ZNF687: variants seen among roughly 807,000 people sequenced by gnomAD.
The protein encoded by ZNF687 is zinc finger protein 687.
ZNF687 carries 13 observed loss-of-function variants against 71.8 expected under a neutral mutation model. The observed-to-expected ratio is 0.18, with a 90% CI of 0.12 to 0.29. ZNF687 has a LOEUF of 0.29. ZNF687 is among the 10% of genes least tolerant of loss of function. ZNF687 has a pLI of 1.00. For synonymous variants in ZNF687, 673 were observed against 641.6 expected (o/e 1.05, Z -0.74); for missense variants, 1,412 against 1,625.6 (o/e 0.87, Z 2.26).
chr1:151,281,930 C>T, upstream of ZNF687: 1 of 981,888 alleles, frequency 1.0e-6, no homozygotes, highest in Non-Finnish European at 1.4e-6. Context: ...CAGTAGGGAG[C>T]GAGGGGCGGA....
chr1:151,286,929 T>C lies in ZNF687; in HGVS notation c.638T>C (p.Val213Ala). 6.2e-7 allele frequency: 1 copy of C among 1,612,642 alleles called. No individual in the cohort carries two copies. Among genetic ancestry groups the C allele is most frequent in the Non-Finnish European group, 8.5e-7 (1 of 1,179,132 alleles). The change falls in exon 2 of 9, where the codon GTT (valine) becomes GCT (alanine). Residue 213 changes from valine (V) to alanine (A), a missense_variant. Around this residue, in one of 8 missense-constraint regions of ZNF687, gnomAD observed 490 missense variants for 489.9 expected, o/e 1.00. Coordinates refer to ENST00000336715, the MANE Select transcript of ZNF687 (RefSeq NM_020832.3). ...AATGGCCCAGGCATGCAGCCACCTGTTTCTTCCCCACCATTGGGGGCCTTG... is the reference window on the plus strand; with the variant it reads ...AATGGCCCAGGCATGCAGCCACCTGCTTCTTCCCCACCATTGGGGGCCTTG... Reference protein sequence around the residue: ...QENGPGMQPPVSSPPLGALKQ... With the variant: ...QENGPGMQPPASSPPLGALKQ...
chr1:151,289,502 C>G lies in ZNF687; in HGVS notation c.2596C>G (p.Leu866Val), dbSNP rs1378149874. The G allele has an allele frequency of 6.2e-7, 1 of 1,614,116 alleles. No individual in the cohort carries two copies. The highest frequency in any genetic ancestry group is 1.1e-5 in the South Asian group (1 of 91,092). ...SVFKCPSCPLLFAQKRTMLEH... is the reference protein window; with the variant it reads ...SVFKCPSCPLVFAQKRTMLEH... ...CTTTAAGTGCCCGTCTTGTCCTCTG[C>G]TCTTTGCCCAAAAAAGGACCATGCT... is the stretch of plus-strand genomic sequence containing the variant. Residue 866 changes from leucine to valine, a missense_variant, in exon 5 of 9, where the codon CTC becomes GTC. Around this residue, in one of 8 missense-constraint regions of ZNF687, gnomAD observed 106 missense variants for 146.0 expected, o/e 0.73. Transcript: ENST00000336715.
chr1:151,283,266 C>T, intron 1 of ZNF687: 2 of 985,424 alleles, frequency 2.0e-6, no homozygotes, highest in Non-Finnish European at 2.4e-6. Context: ...TCAACCTAAT[C>T]GCCGCCAGCC....
intron 7 of ZNF687, 82 bp from the exon 8 acceptor site, chr1:151,290,349 GC>G: frequency 3.7e-6 from 6 of 1,611,966 alleles, no homozygotes; most frequent in Non-Finnish European, 5.1e-6. Context: ...GTCTCCCTCT[GC>G]TCTGGCAGCC....
rs1693947064 is a variant in ZNF687, at chr1:151,286,410, C to T, written c.119C>T (p.Pro40Leu). The change falls in exon 2 of 9, where the codon CCA (proline) becomes CTA (leucine). Residue 40 changes from proline to leucine, a missense_variant. By Grantham distance (98) the Pro-to-Leu change is moderately conservative. Coordinates refer to ENST00000336715, the MANE Select transcript of ZNF687 (RefSeq NM_020832.3). ...GAAGAAAATGAGGGGCCTGGAGGCC[C>T]AGGGAAGCCAGAACCAGGTGTAGGA... ...GPEENEGPGG[P>L]GKPEPGVGSE... The T allele has an allele frequency of 6.2e-7, 1 of 1,613,398 alleles. No homozygotes were observed. Among genetic ancestry groups the T allele is most frequent in the Admixed American group, 1.7e-5 (1 of 59,800 alleles).
Position 151,291,380 on chromosome 1 carries a change from C to G in ZNF687, c.*171C>G. 1.0e-6 allele frequency: 1 copy of G among 953,170 alleles called. No individual in the cohort carries two copies. Among genetic ancestry groups the G allele is most frequent in the Admixed American group, 3.0e-5 (1 of 33,470 alleles). 59.0% of individuals were successfully genotyped at this position (953,170 alleles called of 1,614,324 possible). A position where few individuals can be genotyped will look rare whatever the true frequency, so the allele number is the denominator to read the frequency against. ...GGATTATTCTAGTTATTTGCAACCT[C>G]CCTTTGGGTTTGGCCCTGGAGTCCT... On this transcript the variant is annotated 3_prime_UTR_variant, in exon 9 of 9. Transcript: ENST00000336715.
At chr1:151,283,524 G>C (rs1410595945) in intron 1 of ZNF687, among the ~76,000 whole-genome samples, 1 of 152,050 alleles carries the variant, frequency 6.6e-6, no homozygotes, top group South Asian at 2.1e-4. Flanking sequence ...GGTGGCCATC[G>C]GATGACCTCT....
In ZNF687 at chr1:151,287,748, G is replaced by A. The variant is rs762513980; in HGVS notation, c.1457G>A (p.Gly486Asp). Residue 486 changes from glycine (G) to aspartate (D), a missense_variant, in exon 2 of 9, where the codon GGC becomes GAC. This residue lies in a region of ZNF687 where 133 missense variants were observed against 155.1 expected (regional missense o/e 0.86). Transcript: ENST00000336715. The surrounding 1 kb of genome is among the most constrained non-coding windows in gnomAD (Gnocchi z 5.0). ...ACAGCTACTGGGCCAAGTACAGGGG[G>A]CGGCACAGTGATATCACGGACCCAG... ...SKTATGPSTG[G>D]GTVISRTQSS... 3 of 1,614,098 alleles carry A rather than the reference G, an allele frequency of 1.9e-6. No individual in the cohort carries two copies. Among genetic ancestry groups the A allele is most frequent in the South Asian group, 2.2e-5 (2 of 91,078 alleles).
At chr1:151,281,605 G>A, upstream of ZNF687, 1 of 471,212 alleles carries the variant, frequency 2.1e-6, no homozygotes, top group Non-Finnish European at 4.4e-6. Context: ...TCCCGCAGAG[G>A]GAGGAGCGAC....
At position 151,291,549 on chromosome 1, in the gene ZNF687, G is replaced by A; in HGVS notation, c.*340G>A. The stretch of plus-strand genomic sequence containing the variant: ...TAGACAGGTTCAGGGAAGGACTGAT[G>A]GGGGTGTCATGGATGGACACACCTC... On this transcript the variant is annotated 3_prime_UTR_variant, in exon 9 of 9. Coordinates refer to ENST00000336715, the MANE Select transcript of ZNF687 (RefSeq NM_020832.3). 4.3e-6 allele frequency: 1 copy of A among 231,086 alleles called. No individual in the cohort carries two copies. Among genetic ancestry groups the A allele is most frequent in the Non-Finnish European group, 8.5e-6 (1 of 117,070 alleles). 14.3% of individuals were successfully genotyped at this position (231,086 alleles called of 1,614,324 possible).
Position 151,290,531 on chromosome 1 carries a change from C to T in ZNF687, c.3177C>T (p.Gly1059=), listed in dbSNP as rs756684471. 19 of 1,613,866 alleles carry T rather than the reference C, an allele frequency of 1.2e-5. No homozygotes were observed. In the South Asian group the frequency reaches 1.9e-4, roughly 16 times the overall value. ...HGLQLGAQSP[G]RGTTLARGSS... Reference sequence around the variant, plus strand: ...TGCAGCTTGGGGCCCAGTCCCCTGGCCGGGGGACCACCTTGGCTCGGGGTT... The same window carrying T: ...TGCAGCTTGGGGCCCAGTCCCCTGGTCGGGGGACCACCTTGGCTCGGGGTT... The change falls in exon 8 of 9, where the codon GGC becomes GGT. Residue 1059 remains glycine (G), a synonymous_variant. Coordinates refer to ENST00000336715, the MANE Select transcript of ZNF687 (RefSeq NM_020832.3).
chr1:151,288,455 G>A lies in ZNF687; in HGVS notation c.2115+49G>A, dbSNP rs75819299. ...CTGTGGGGACAGGATCTAGGAAGGC[G>A]TTGGGGGCTTGGTTAGAAGTAATGG... On this transcript the variant is annotated intron_variant, in intron 2 of 8. Coordinates refer to ENST00000336715, the MANE Select transcript of ZNF687 (RefSeq NM_020832.3). The A allele has an allele frequency of 1.0e-3, 1,608 of 1,582,716 alleles. 6 individuals are homozygous for A. In the African/African-American group the frequency reaches 0.011, roughly 11 times the overall value.
chr1:151,283,085 C>T (rs1033110271), intron 1 of ZNF687: 14 of 984,822 alleles, frequency 1.4e-5, no homozygotes, highest in African/African-American at 1.4e-4. Flanking sequence ...GGCTGAGGCC[C>T]GGCCTTCGCT....
At chr1:151,282,015 G>C (rs763407646), upstream of ZNF687, 128 of 1,252,046 alleles carry the variant, frequency 1.0e-4, no homozygotes, top group Non-Finnish European at 1.3e-4. Flanking sequence ...GACAGTGGCG[G>C]AGGCCAATCG....
chr1:151,289,609 A>G (rs1253949814), intron 5 of ZNF687, 69 bp downstream of exon 5: 2 of 1,607,894 alleles, frequency 1.2e-6, no homozygotes, highest in Admixed American at 3.3e-5. Context: ...CACATACTTC[A>G]GAAGTGGGGG....
At chr1:151,281,836 C>T, upstream of ZNF687, 1 of 372,274 alleles carries the variant, frequency 2.7e-6, no homozygotes, top group South Asian at 2.1e-5. Flanking sequence ...CGACTCAATG[C>T]GGTTCTGCTC....
chr1:151,283,764 TG>T lies in ZNF687; in HGVS notation c.-18+1374del, dbSNP rs1693831164. 8 of 923,564 alleles carry T rather than the reference TG, an allele frequency of 8.7e-6. No individual in the cohort carries two copies. In the South Asian group the frequency reaches 2.0e-4, roughly 23 times the overall value. 57.2% of individuals were successfully genotyped at this position (923,564 alleles called of 1,614,324 possible). On this transcript the variant is annotated intron_variant, in intron 1 of 8. Transcript: ENST00000336715. The stretch of plus-strand genomic sequence containing the variant: ...CCAGATTCTGCAGAATTGAATAGGG[TG>T]GGGGTGAGGGGAGGACTCCCCCTTT...
At position 151,287,741 on chromosome 1, in the gene ZNF687, A is replaced by G. The variant is rs1432553765; in HGVS notation, c.1450A>G (p.Thr484Ala). 3 of 1,613,988 alleles carry G rather than the reference A, an allele frequency of 1.9e-6. No homozygotes were observed. The highest frequency in any genetic ancestry group is 2.5e-6 in the Non-Finnish European group (3 of 1,179,974). Residue 484 changes from threonine (T) to alanine (A), a missense_variant, in exon 2 of 9, where the codon ACA becomes GCA. Transcript: ENST00000336715. The surrounding 1 kb of genome is among the most constrained non-coding windows in gnomAD (Gnocchi z 5.0). ...QPSKTATGPS[T>A]GGGTVISRTQ... ...TTCAAAGACAGCTACTGGGCCAAGT[A>G]CAGGGGGCGGCACAGTGATATCACG...
At chr1:151,283,968 A>C in intron 1 of ZNF687, 1 of 985,392 alleles carries the variant, frequency 1.0e-6, no homozygotes, top group Non-Finnish European at 1.2e-6. Context: ...TAGATACAGA[A>C]ACACTCATGG....
Sources: gnomAD v4.1 joint callset for allele counts (sites outside exome capture counted in the v4.1 genomes callset) on GRCh38, gnomAD v4.1.1 for gene constraint, gnomAD v4.1.1 regional missense constraint, Gnocchi (gnomAD v3.1) non-coding constraint, MANE v1.5 for transcripts, NCBI Gene and HGNC (gene_info 2026-07-23, HGNC 2026-07-21) for gene names.